Variants in EPHA6 observed in about 807,000 individuals in gnomAD.
EPHA6 encodes ephrin type-A receptor 6.
Under a neutral mutation model 112.0 loss-of-function variants are expected in EPHA6, and 50 were observed. The ratio of observed to expected loss-of-function variants is 0.45; its 90% CI spans 0.36 to 0.56. The LOEUF (loss-of-function observed/expected upper bound fraction) is 0.56, where lower values mean the gene tolerates loss of function less well. Ranked by LOEUF, EPHA6 falls within the 20% of genes least tolerant of loss-of-function variation. The probability of loss-of-function intolerance (pLI) is 0.00; values close to 1 mark genes in which losing one functional copy is unlikely to be tolerated. For missense variants in EPHA6, 1,280 were observed against 1,417.4 expected, an observed-to-expected ratio of 0.90 and a Z score of 1.56; for synonymous variants, 529 against 490.7, an observed-to-expected ratio of 1.08 and a Z score of -1.03.
At chr3:96,896,453 G>T (rs1344052596) in intron 2 of EPHA6, among the ~76,000 whole-genome samples, 1 of 152,088 alleles carries the variant, frequency 6.6e-6, no homozygotes, top group African/African-American at 2.4e-5. Context: ...GCAATGAAAT[G>T]GTGTAAAAAG....
At chr3:97,312,950 T>C (rs2081629442) in intron 5 of EPHA6, among the ~76,000 whole-genome samples, 1 of 151,462 alleles carries the variant, frequency 6.6e-6, no homozygotes, top group Non-Finnish European at 1.5e-5. Flanking sequence ...TTAGCAATGT[T>C]TACATATACA....
intron 1 of EPHA6, among the ~76,000 whole-genome samples, chr3:96,828,403 C>T (rs543312848): frequency 3.7e-4 from 57 of 152,140 alleles, no homozygotes; most frequent in African/African-American, 1.3e-3. Context: ...TATGTGTCCA[C>T]GATGTGTGCT....
At chr3:97,284,593 G>C (rs1472046380) in intron 5 of EPHA6, among the ~76,000 whole-genome samples, 1 of 152,108 alleles carries the variant, frequency 6.6e-6, no homozygotes, top group African/African-American at 2.4e-5. Flanking sequence ...ACACGTGACT[G>C]CTGATTTCAT....
At chr3:97,557,411 C>T (rs578166400) in intron 11 of EPHA6, among the ~76,000 whole-genome samples, 2 of 151,752 alleles carry the variant, frequency 1.3e-5, no homozygotes, top group South Asian at 2.1e-4. Flanking sequence ...CTGACAATTG[C>T]CTGCTTGTGT....
chr3:96,982,471 C>G (rs1022912922), intron 2 of EPHA6, among the ~76,000 whole-genome samples: 1 of 152,068 alleles, frequency 6.6e-6, no homozygotes, highest in Non-Finnish European at 1.5e-5. Flanking sequence ...TGCTTTACTT[C>G]CAACTATGTG....
chr3:97,716,304 C>T (rs2034220363), intron 14 of EPHA6, among the ~76,000 whole-genome samples: 1 of 146,018 alleles, frequency 6.8e-6, no homozygotes, highest in Non-Finnish European at 1.5e-5. Context: ...CGCGGTGGCT[C>T]ACGCCTGTAA....
chr3:96,837,586 C>T (rs2034492211), intron 1 of EPHA6, among the ~76,000 whole-genome samples: 1 of 152,044 alleles, frequency 6.6e-6, no homozygotes. Context: ...CAGTCCTAAA[C>T]TGTTTACCAG....
intron 10 of EPHA6, among the ~76,000 whole-genome samples, chr3:97,512,503 G>C (rs1318131044): frequency 6.6e-6 from 1 of 152,040 alleles, no homozygotes; most frequent in Non-Finnish European, 1.5e-5. Context: ...CAGTACATCT[G>C]ACAGTCCACT....
chr3:97,032,265 A>G (rs1385851423), intron 3 of EPHA6, among the ~76,000 whole-genome samples: 1 of 152,054 alleles, frequency 6.6e-6, no homozygotes, highest in Non-Finnish European at 1.5e-5. Flanking sequence ...ACTTGGACAC[A>G]GGAAGGGGAA....
At chr3:97,025,964 C>T (rs1189922138) in intron 3 of EPHA6, among the ~76,000 whole-genome samples, 2 of 152,062 alleles carry the variant, frequency 1.3e-5, no homozygotes, top group African/African-American at 4.8e-5. Flanking sequence ...AATCTTCCGC[C>T]TATGGCTAGC....
At chr3:97,371,226 A>T (rs1193970297) in intron 5 of EPHA6, among the ~76,000 whole-genome samples, 1 of 152,104 alleles carries the variant, frequency 6.6e-6, no homozygotes, top group Non-Finnish European at 1.5e-5. Context: ...TTACTTCTTA[A>T]AGGTAAGTAT....
At chr3:97,016,313 G>T (rs2044265052) in intron 3 of EPHA6, among the ~76,000 whole-genome samples, 1 of 151,950 alleles carries the variant, frequency 6.6e-6, no homozygotes, top group Non-Finnish European at 1.5e-5. Context: ...TGAATTTTTG[G>T]CAATGATTCA....
chr3:97,522,624 A>T (rs2092561425), intron 10 of EPHA6, among the ~76,000 whole-genome samples: 1 of 152,000 alleles, frequency 6.6e-6, no homozygotes, highest in South Asian at 2.1e-4. Flanking sequence ...ATTGGTATTT[A>T]TTTCTTATTT....
intron 10 of EPHA6, among the ~76,000 whole-genome samples, chr3:97,524,257 G>T (rs772449898): frequency 7.2e-5 from 11 of 151,758 alleles, no homozygotes; most frequent in Non-Finnish European, 1.5e-4. Context: ...ATCTGCCAGA[G>T]GTTTTTCATT....
At chr3:97,388,699 C>A (rs933382649) in intron 5 of EPHA6, among the ~76,000 whole-genome samples, 3 of 152,042 alleles carry the variant, frequency 2.0e-5, no homozygotes, top group Non-Finnish European at 4.4e-5. Context: ...CAGCTGAATT[C>A]TTTGGAAATT....
intron 11 of EPHA6, among the ~76,000 whole-genome samples, chr3:97,578,634 T>G (rs545764373): frequency 1.3e-5 from 2 of 152,236 alleles, no homozygotes; most frequent in Non-Finnish European, 2.9e-5. Context: ...TCATCAAGTA[T>G]GAACTGAGGT....
intron 3 of EPHA6, among the ~76,000 whole-genome samples, chr3:97,178,736 T>C (rs866697768): frequency 6.6e-6 from 1 of 152,170 alleles, no homozygotes; most frequent in Non-Finnish European, 1.5e-5. Flanking sequence ...CTCCATTGTA[T>C]GTTATTCGTT....
chr3:97,420,243 A>G (rs1468921575), intron 6 of EPHA6, among the ~76,000 whole-genome samples: 1 of 152,034 alleles, frequency 6.6e-6, no homozygotes, highest in Non-Finnish European at 1.5e-5. Flanking sequence ...GTTCTCTGTG[A>G]ACCCTTTGAT....
chr3:97,599,086 G>A (rs1369614836), intron 12 of EPHA6, among the ~76,000 whole-genome samples: 7 of 152,056 alleles, frequency 4.6e-5, no homozygotes, highest in East Asian at 3.9e-4. Context: ...GTCTGTTCAT[G>A]TCCTTTGCCC....
Sources: allele counts gnomAD v4.1 joint callset (sites outside exome capture counted in the v4.1 genomes callset), GRCh38; gene constraint gnomAD v4.1.1; transcripts MANE v1.5; gene names NCBI Gene and HGNC (gene_info 2026-07-23, HGNC 2026-07-21).